Variants in DIAPH2 observed in about 807,000 individuals in gnomAD.
DIAPH2 encodes diaphanous related formin 2.
Under a neutral mutation model 92.7 loss-of-function variants are expected in DIAPH2, and 35 were observed. That is an observed-to-expected ratio of 0.38 (90% CI 0.29 to 0.50). The LOEUF is 0.50. DIAPH2 is among the 20% of genes least tolerant of loss of function. The pLI is 0.94. For synonymous variants in DIAPH2, 301 were observed against 280.4 expected, an observed-to-expected ratio of 1.07 and a Z score of -0.73; for missense variants, 701 against 819.5, an observed-to-expected ratio of 0.86 and a Z score of 1.77.
At chrX:97,431,932 C>T (rs760961492) in intron 26 of DIAPH2, among the ~76,000 whole-genome samples, 14 of 111,858 alleles carry the variant, frequency 1.3e-4, no homozygotes, top group Non-Finnish European at 2.3e-4. Flanking sequence ...CTGCTAGTCC[C>T]GTTATTTTTA....
Position 97,558,123 on chromosome X carries a change from A to G in DIAPH2, c.3242-41130A>G, listed in dbSNP as rs749659692. On this transcript the variant is annotated intron_variant, in intron 26 of 26. Transcript: ENST00000324765. ...ATTATGTCCTAAGTAGCAGGAATTC[A>G]AAGACATGACAAGGGCACATTCATG... Among the ~76,000 whole-genome samples, 4 of 112,084 alleles carry G rather than the reference A, an allele frequency of 3.6e-5. No homozygotes were observed. In the Admixed American group the frequency reaches 3.8e-4, roughly 11 times the overall value.
chrX:96,986,840 G>A (rs191297414), intron 17 of DIAPH2, among the ~76,000 whole-genome samples: 16 of 111,018 alleles, frequency 1.4e-4, no homozygotes, highest in African/African-American at 5.2e-4. Flanking sequence ...TTTAATGAAG[G>A]CACCAGCTAT....
At chrX:96,829,620 A>C (rs939385803) in intron 4 of DIAPH2, among the ~76,000 whole-genome samples, 3 of 109,957 alleles carry the variant, frequency 2.7e-5, no homozygotes, top group Non-Finnish European at 3.8e-5. Flanking sequence ...CAGCCTCCTG[A>C]ATAAGTGGGA....
At chrX:96,751,216 A>G (rs1274461144) in intron 3 of DIAPH2, among the ~76,000 whole-genome samples, 1 of 111,572 alleles carries the variant, frequency 9.0e-6, no homozygotes, top group African/African-American at 3.3e-5. Context: ...TTTGTCTATA[A>G]TAGGAAATTG....
At chrX:97,322,560 G>T (rs1233244959) in intron 23 of DIAPH2, among the ~76,000 whole-genome samples, 7 of 111,498 alleles carry the variant, frequency 6.3e-5, no homozygotes, top group Admixed American at 5.8e-4. Flanking sequence ...GTGTGTGCCT[G>T]AAGGCATACA....
At chrX:97,066,995 A>G (rs759672714) in intron 17 of DIAPH2, among the ~76,000 whole-genome samples, 3 of 111,751 alleles carry the variant, frequency 2.7e-5, no homozygotes, top group African/African-American at 9.7e-5. Flanking sequence ...GGTACTATGC[A>G]GGTGTCAGAA....
At chrX:97,326,594 C>T (rs746520569) in intron 23 of DIAPH2, among the ~76,000 whole-genome samples, 14 of 112,042 alleles carry the variant, frequency 1.2e-4, no homozygotes, top group South Asian at 7.4e-4. Flanking sequence ...CAGTTCTGCA[C>T]CAAACCTAGT....
In DIAPH2 at chrX:96,957,863, T is replaced by C; in HGVS notation, c.1650T>C (p.Gly550=). 8.3e-7 allele frequency: 1 copy of C among 1,210,617 alleles called. No homozygotes were observed. Among genetic ancestry groups the C allele is most frequent in the Non-Finnish European group, 1.1e-6 (1 of 894,891 alleles). The change falls in exon 16 of 27, where the codon GGT becomes GGC. Residue 550 remains glycine, a synonymous_variant. Transcript: ENST00000324765. ...QVLSSSSGIP[G]PPAAPPLPGV... is the part of the protein sequence containing the mutation. ...TCTCAAGTTCATCAGGAATTCCAGGTCCTCCTGCAGCACCTCCATTGCCAG... is the reference window on the plus strand; with the variant it reads ...TCTCAAGTTCATCAGGAATTCCAGGCCCTCCTGCAGCACCTCCATTGCCAG...
chrX:96,802,050 T>C (rs2064586719), intron 4 of DIAPH2, among the ~76,000 whole-genome samples: 1 of 112,049 alleles, frequency 8.9e-6, no homozygotes, highest in Non-Finnish European at 1.9e-5. Flanking sequence ...CCTAAAGACT[T>C]CCAGTAATTT....
At chrX:97,450,929 A>C (rs1419425973) in intron 26 of DIAPH2, among the ~76,000 whole-genome samples, 2 of 106,026 alleles carry the variant, frequency 1.9e-5, no homozygotes, top group Non-Finnish European at 3.9e-5. Context: ...TGTAATTTTT[A>C]AGAAGTGAAA....
At chrX:97,325,706 T>A (rs1232141670) in intron 23 of DIAPH2, among the ~76,000 whole-genome samples, 1 of 110,542 alleles carries the variant, frequency 9.0e-6, no homozygotes, top group African/African-American at 3.3e-5. Context: ...GCCTCCCGAG[T>A]AGCTGGGACT....
chrX:96,833,759 CA>C (rs1209205368), intron 4 of DIAPH2, among the ~76,000 whole-genome samples: 1 of 110,664 alleles, frequency 9.0e-6, no homozygotes, highest in Non-Finnish European at 1.9e-5. Flanking sequence ...CTCCTGGGTT[CA>C]AGTGATTCTC....
At chrX:96,825,007 G>A (rs745445832) in intron 4 of DIAPH2, among the ~76,000 whole-genome samples, 3 of 106,193 alleles carry the variant, frequency 2.8e-5, no homozygotes, top group East Asian at 5.9e-4. Flanking sequence ...GTGCATTGGC[G>A]TGATCTCAGC....
Position 96,807,944 on chromosome X carries a change from C to CAAAAAAAAA in DIAPH2, c.447+49717_447+49725dup, listed in dbSNP as rs541681495. Among the ~76,000 whole-genome samples the CAAAAAAAAA allele has an allele frequency of 2.1e-3, 30 of 14,490 alleles. 9 individuals are homozygous for CAAAAAAAAA. The highest frequency in any genetic ancestry group is 3.4e-3 in the Non-Finnish European group (28 of 8,260). The allele number at this position is 14,490 out of a possible 115,157, so 12.6% of individuals were successfully genotyped here. On this transcript the variant is annotated intron_variant, in intron 4 of 26. Coordinates refer to ENST00000324765, the MANE Select transcript of DIAPH2 (RefSeq NM_006729.5). Reference sequence around the variant, plus strand: ...GTGAGATTTGGTATTGTAGAAATAGCAAAAAAAAAAAAAAAAAAAAAAAAA... The same window carrying CAAAAAAAAA: ...GTGAGATTTGGTATTGTAGAAATAGCAAAAAAAAAAAAAAAAAAAAAAAAAAAAAAAAAA...
At chrX:97,007,761 C>CTTTTTTTTTTT (rs1202951643) in intron 17 of DIAPH2, among the ~76,000 whole-genome samples, 2 of 80,997 alleles carry the variant, frequency 2.5e-5, no homozygotes, top group Non-Finnish European at 4.8e-5. Context: ...TTCTTTTTTT[C>CTTTTTTTTTTT]TTTTTTTTTT....
At chrX:97,369,698 C>T (rs936172687) in intron 24 of DIAPH2, among the ~76,000 whole-genome samples, 2 of 111,393 alleles carry the variant, frequency 1.8e-5, no homozygotes, top group Non-Finnish European at 3.8e-5. Flanking sequence ...CTGTCAATAT[C>T]TTGGAAGATA....
intron 26 of DIAPH2, among the ~76,000 whole-genome samples, chrX:97,443,497 T>C (rs1355104992): frequency 1.8e-5 from 2 of 111,523 alleles, no homozygotes; most frequent in Admixed American, 9.6e-5. Flanking sequence ...TTTAAAAAGA[T>C]TGAATCTACA....
At chrX:97,182,151 T>A (rs2147465818) in intron 22 of DIAPH2, among the ~76,000 whole-genome samples, 1 of 111,155 alleles carries the variant, frequency 9.0e-6, no homozygotes, top group Admixed American at 9.6e-5. Flanking sequence ...GATCTTAGTA[T>A]GGCTTGTGGG....
chrX:96,712,018 T>C (rs181818505), intron 1 of DIAPH2, among the ~76,000 whole-genome samples: 133 of 111,808 alleles, frequency 1.2e-3, no homozygotes, highest in Admixed American at 4.3e-3. Context: ...AATATTGAAC[T>C]GTACTAAATA....
Sources: allele counts gnomAD v4.1 joint callset (sites outside exome capture counted in the v4.1 genomes callset), GRCh38; gene constraint gnomAD v4.1.1; transcripts MANE v1.5; gene names NCBI Gene and HGNC (gene_info 2026-07-23, HGNC 2026-07-21).